The following C5 variants were observed in gnomAD, a reference collection of about 807,000 sequenced individuals.
C5 encodes C3 and PZP-like alpha-2-macroglobulin domain-containing protein 4.
A neutral mutation model predicts 218.8 loss-of-function variants in C5; 140 were observed. The ratio of observed to expected loss-of-function variants is 0.64; its 90% CI spans 0.56 to 0.74. The LOEUF (loss-of-function observed/expected upper bound fraction) is 0.74, where lower values mean the gene tolerates loss of function less well. Ranked by LOEUF, C5 falls within the 30% of genes least tolerant of loss-of-function variation. C5 has a pLI of 0.00. For synonymous variants in C5, 614 were observed against 682.3 expected (o/e 0.90, Z 1.56); for missense variants, 1,700 against 1,969.6 (o/e 0.86, Z 2.59).
chr9:121,069,834 T>C, the C5 span, among the ~76,000 whole-genome samples: 1 of 152,178 alleles, frequency 6.6e-6, no homozygotes, highest in Non-Finnish European at 1.5e-5. Context: ...ACTCATACAC[T>C]GTTGGTGGAA....
At chr9:121,059,279 G>A in the C5 span, among the ~76,000 whole-genome samples, 1 of 152,190 alleles carries the variant, frequency 6.6e-6, no homozygotes, top group South Asian at 2.1e-4. The surrounding 1 kb of genome is among the most constrained non-coding windows in gnomAD (Gnocchi z 4.1). Context: ...AGAAAATCCA[G>A]TGTTAATAAT....
At chr9:121,019,935 A>G in intron 12 of C5, 41 bp downstream of exon 12, 1 of 1,279,458 alleles carries the variant, frequency 7.8e-7, no homozygotes. Context: ...AAAATGTTCC[A>G]GGTGGGGGAA....
intron 28 of C5, among the ~76,000 whole-genome samples, chr9:120,977,750 AC>A (rs1408971793): frequency 2.0e-5 from 3 of 152,232 alleles, no homozygotes; most frequent in Non-Finnish European, 4.4e-5. Context: ...AACATAGTAC[AC>A]ATGTACTAGG....
At chr9:121,015,340 T>A in intron 15 of C5, 79 bp from the exon 16 acceptor site, 1 of 945,828 alleles carries the variant, frequency 1.1e-6, no homozygotes, top group Non-Finnish European at 1.7e-6. Flanking sequence ...TGAAACTATT[T>A]AAGTATTTAG....
At chr9:121,058,161 T>C in the C5 span, among the ~76,000 whole-genome samples, 1 of 152,250 alleles carries the variant, frequency 6.6e-6, no homozygotes, top group African/African-American at 2.4e-5. Context: ...TACCCATTAT[T>C]AGCTTCCAAC....
At chr9:121,020,256 T>C in intron 11 of C5, 77 bp from the exon 12 acceptor site, 1 of 1,134,748 alleles carries the variant, frequency 8.8e-7, no homozygotes, top group Non-Finnish European at 1.3e-6. Context: ...CAAATTATTT[T>C]CCTTGCTTTA....
At chr9:120,985,988 T>A (rs1315613993) in intron 25 of C5, among the ~76,000 whole-genome samples, 4 of 152,164 alleles carry the variant, frequency 2.6e-5, no homozygotes, top group Non-Finnish European at 5.9e-5. Context: ...GAACAAGACA[T>A]GCTGACCTGT....
chr9:121,014,790 A>G (rs2047292231), intron 16 of C5, among the ~76,000 whole-genome samples: 1 of 152,182 alleles, frequency 6.6e-6, no homozygotes, highest in Admixed American at 6.5e-5. Flanking sequence ...TATTTTCCAA[A>G]GAACAATGCT....
intron 17 of C5, among the ~76,000 whole-genome samples, chr9:121,012,438 CGG>C (rs1587977883): frequency 6.6e-6 from 1 of 151,950 alleles, no homozygotes; most frequent in African/African-American, 2.4e-5. Flanking sequence ...TGCTTGAACC[CGG>C]GAGGCGGAGG....
At chr9:121,062,522 A>C in the C5 span, among the ~76,000 whole-genome samples, 4 of 152,156 alleles carry the variant, frequency 2.6e-5, no homozygotes, top group South Asian at 2.1e-4. Flanking sequence ...TTCAAAGACA[A>C]ATCTCTTAAC....
At chr9:121,071,195 C>T in the C5 span, among the ~76,000 whole-genome samples, 1 of 151,982 alleles carries the variant, frequency 6.6e-6, no homozygotes, top group Non-Finnish European at 1.5e-5. Flanking sequence ...AGTCACACAC[C>T]TGTAATCACA....
chr9:121,064,728 T>C, the C5 span, among the ~76,000 whole-genome samples: 4 of 152,182 alleles, frequency 2.6e-5, no homozygotes, highest in Non-Finnish European at 5.9e-5. Context: ...TTTAAACATA[T>C]AGAGTTAAAC....
Position 120,989,762 on chromosome 9 carries a change from A to T in C5, c.2960T>A (p.Ile987Asn), listed in dbSNP as rs1564141874. The T allele has an allele frequency of 6.2e-7, 1 of 1,613,928 alleles. No individual in the cohort carries two copies. Among genetic ancestry groups the T allele is most frequent in the African/African-American group, 1.3e-5 (1 of 74,912 alleles). ...TTCCTGACTTAGAACTGCAGACAAG[A>T]TCTCACCTACAAGCAGTCCTGAAAC... ...LSVKGLLVGE[I>N]LSAVLSQEGI... The change falls in exon 24 of 41, where the codon ATC (isoleucine) becomes AAC (asparagine). Residue 987 changes from isoleucine (I) to asparagine (N), a missense_variant. Physicochemically the swap from Ile to Asn is moderately radical, Grantham distance 149. Transcript: ENST00000223642.
the C5 span, among the ~76,000 whole-genome samples, chr9:121,073,642 C>A: frequency 6.6e-6 from 1 of 151,042 alleles, no homozygotes; most frequent in African/African-American, 2.4e-5. Flanking sequence ...GCCTCTCAAG[C>A]AGCTGGGATG....
intron 34 of C5, 130 bp downstream of exon 34, chr9:120,963,504 CAA>C (rs111500884): frequency 2.5e-3 from 1,522 of 620,788 alleles, no homozygotes; most frequent in East Asian, 2.8e-3. Flanking sequence ...AATCCACCTC[CAA>C]AAAAAAAAAA....
rs144051762 is a variant in C5 at position 120,962,344 on chromosome 9, T to A, written c.4504+327A>T. ...TTGTTCTGGGGGGATTGAGTTGATT[T>A]CTCTCAAAAGGAGAGATATGATTTA... On this transcript the variant is annotated intron_variant, in intron 36 of 40. Transcript: ENST00000223642. 1.2e-3 allele frequency among the ~76,000 whole-genome samples: 182 copies of A among 152,258 alleles called. 2 individuals are homozygous for A. In the East Asian group the frequency reaches 0.024, roughly 20 times the overall value.
At position 121,021,674 on chromosome 9, in the gene C5, A is replaced by G. The variant is rs781633770; in HGVS notation, c.1137T>C (p.Leu379=). The change falls in exon 11 of 41, where the codon CTT becomes CTC. Residue 379 remains leucine, a synonymous_variant. Coordinates refer to ENST00000223642, the MANE Select transcript of C5 (RefSeq NM_001735.3). ...CTGGGACTCCTCCTACCAACTGGTC[A>G]AGCGAATCTTTAACCTGCACCTGTT... is the stretch of plus-strand genomic sequence containing the variant. The part of the protein sequence containing the change: ...YPIKVQVKDS[L]DQLVGGVPVT... 6.2e-7 allele frequency: 1 copy of G among 1,613,804 alleles called. No individual in the cohort carries two copies. Among genetic ancestry groups the G allele is most frequent in the Non-Finnish European group, 8.5e-7 (1 of 1,179,790 alleles).
At chr9:120,969,744 C>T (rs956715803) in intron 32 of C5, among the ~76,000 whole-genome samples, 9 of 152,264 alleles carry the variant, frequency 5.9e-5, no homozygotes, top group African/African-American at 1.7e-4. Flanking sequence ...TGTTTATTTT[C>T]TGGGCCCCTT....
intron 7 of C5, 150 bp downstream of exon 7, chr9:121,030,247 C>CTT (rs1211780065): frequency 3.6e-5 from 20 of 555,984 alleles, no homozygotes; most frequent in Non-Finnish European, 3.3e-5. Flanking sequence ...AATGAACTAC[C>CTT]AGCATGATGT....
Sources: allele counts gnomAD v4.1 joint callset (sites outside exome capture counted in the v4.1 genomes callset), GRCh38; gene constraint gnomAD v4.1.1; non-coding constraint Gnocchi (gnomAD v3.1); transcripts MANE v1.5; gene names NCBI Gene and HGNC (gene_info 2026-07-23, HGNC 2026-07-21).